TRMT11: variants seen among roughly 807,000 people sequenced by gnomAD.
TRMT11 encodes the protein tRNA methyltransferase 11.
In TRMT11, 53 loss-of-function variants were observed where a neutral mutation model predicts 62.8. That is an observed-to-expected ratio of 0.84 (90% CI 0.68 to 1.06). TRMT11 has a LOEUF of 1.06. TRMT11 is among the 50% of genes least tolerant of loss of function. The probability of loss-of-function intolerance (pLI) is 0.00; values close to 1 mark genes in which losing one functional copy is unlikely to be tolerated. For synonymous variants in TRMT11, 188 were observed against 190.3 expected, an observed-to-expected ratio of 0.99 and a Z score of 0.10; for missense variants, 556 against 553.4, an observed-to-expected ratio of 1.00 and a Z score of -0.05.
At chr6:126,242,227 G>C in the TRMT11 span, among the ~76,000 whole-genome samples, 1 of 152,094 alleles carries the variant, frequency 6.6e-6, no homozygotes, top group Non-Finnish European at 1.5e-5. Context: ...CAACTTACAA[G>C]GGAAGTGAAG....
chr6:126,119,888 G>T (rs1485760467), intron 21 of TRMT11, among the ~76,000 whole-genome samples: 3 of 152,106 alleles, frequency 2.0e-5, no homozygotes, highest in South Asian at 2.1e-4. Flanking sequence ...ATGTTCACTG[G>T]GACATTATTT....
At chr6:126,057,017 A>G (rs1776392992) in intron 17 of TRMT11, among the ~76,000 whole-genome samples, 1 of 152,156 alleles carries the variant, frequency 6.6e-6, no homozygotes, top group African/African-American at 2.4e-5. Flanking sequence ...CTCTGGTGCA[A>G]TTTTATCAAA....
At chr6:126,134,053 TTAA>T in intron 21 of TRMT11, among the ~76,000 whole-genome samples, 1 of 151,914 alleles carries the variant, frequency 6.6e-6, no homozygotes, top group South Asian at 2.1e-4. Context: ...GAGCAAAAAA[TTAA>T]TAAGATTTTT....
intron 12 of TRMT11, among the ~76,000 whole-genome samples, chr6:126,027,220 A>G (rs1204247637): frequency 2.0e-5 from 3 of 152,184 alleles, no homozygotes; most frequent in Admixed American, 6.5e-5. Flanking sequence ...TATGAAATGT[A>G]TAGGATAAAA....
intron 21 of TRMT11, among the ~76,000 whole-genome samples, chr6:126,148,817 T>C (rs994845998): frequency 6.6e-6 from 1 of 152,202 alleles, no homozygotes; most frequent in Non-Finnish European, 1.5e-5. Context: ...ATGTATGACA[T>C]AGTAAATGTA....
chr6:126,043,940 G>C (rs1775963955), downstream of TRMT11, among the ~76,000 whole-genome samples: 1 of 150,354 alleles, frequency 6.7e-6, no homozygotes, highest in Non-Finnish European at 1.5e-5. Flanking sequence ...GTTCATTGTA[G>C]ATTCTGGATA....
the TRMT11 span, among the ~76,000 whole-genome samples, chr6:126,231,392 G>A: frequency 6.6e-6 from 1 of 152,092 alleles, no homozygotes. Context: ...AAACCATGTA[G>A]CATTTTTAGT....
At chr6:126,135,810 A>G (rs1562330777) in intron 21 of TRMT11, among the ~76,000 whole-genome samples, 2 of 151,814 alleles carry the variant, frequency 1.3e-5, no homozygotes, top group Admixed American at 1.3e-4. Context: ...GATTCACCTC[A>G]TAGATGCAAA....
the TRMT11 span, among the ~76,000 whole-genome samples, chr6:126,268,323 A>C: frequency 6.6e-6 from 1 of 152,156 alleles, no homozygotes; most frequent in African/African-American, 2.4e-5. Flanking sequence ...CATTCTGATC[A>C]CTGCACTGGG....
At chr6:126,117,598 C>T (rs1231849155) in intron 21 of TRMT11, among the ~76,000 whole-genome samples, 1 of 151,996 alleles carries the variant, frequency 6.6e-6, no homozygotes, top group African/African-American at 2.4e-5. Flanking sequence ...TTTTTGTGAT[C>T]TAGAGCTTCA....
chr6:126,018,822 C>A (rs753893305), intron 11 of TRMT11, among the ~76,000 whole-genome samples: 1 of 152,108 alleles, frequency 6.6e-6, no homozygotes, highest in African/African-American at 2.4e-5. Flanking sequence ...TAACCACTTG[C>A]GAACATTCCA....
the TRMT11 span, among the ~76,000 whole-genome samples, chr6:126,263,293 T>C: frequency 6.6e-6 from 1 of 152,344 alleles, no homozygotes; most frequent in East Asian, 1.9e-4. Context: ...TATAGTTCCA[T>C]GTCATATGCC....
intron 21 of TRMT11, among the ~76,000 whole-genome samples, chr6:126,136,945 G>GA (rs71272315): frequency 0.33 from 47,802 of 144,878 alleles, 8,244 homozygotes; most frequent in Non-Finnish European, 0.42. Context: ...GTAGAAAAAT[G>GA]AAAAAAAAAA....
intron 1 of TRMT11, among the ~76,000 whole-genome samples, chr6:126,194,734 C>T (rs1029506720): frequency 6.6e-6 from 1 of 152,156 alleles, no homozygotes; most frequent in African/African-American, 2.4e-5. Flanking sequence ...AAATATACTT[C>T]ATACCAAGTC....
intron 1 of TRMT11, among the ~76,000 whole-genome samples, chr6:125,990,335 G>A (rs894190978): frequency 1.3e-5 from 2 of 152,144 alleles, no homozygotes; most frequent in Non-Finnish European, 1.5e-5. Flanking sequence ...CTCATTTTCA[G>A]GTGTTAAGCC....
Position 126,048,739 on chromosome 6 carries a change from G to T in TRMT11, c.*1370-4384G>T. Among the ~76,000 whole-genome samples, 2 of 150,960 alleles carry T rather than the reference G, an allele frequency of 1.3e-5. 1 individual carries two copies. On this transcript the variant is annotated intron_variant and NMD_transcript_variant, in intron 16 of 22. Transcript: ENST00000648977. The stretch of plus-strand genomic sequence containing the variant: ...AGACTTGTGACTCCTGCCAAAAGTC[G>T]ACCTTGTTGCCTCTTGGTAAGGACG...
At chr6:126,151,866 C>CTTTCTTTCTTTT (rs1778054597) in intron 21 of TRMT11, among the ~76,000 whole-genome samples, 1 of 96,624 alleles carries the variant, frequency 1.0e-5, no homozygotes, top group African/African-American at 4.4e-5. Flanking sequence ...TTCTTTCTTT[C>CTTTCTTTCTTTT]CTTCTTTCTC....
chr6:126,056,369 A>G (rs1281542217), intron 17 of TRMT11, among the ~76,000 whole-genome samples: 2 of 152,188 alleles, frequency 1.3e-5, no homozygotes, highest in Admixed American at 6.5e-5. Context: ...CAAAGCTTCC[A>G]CTGCTGAGAT....
rs565736056 is a variant in TRMT11, at chr6:125,989,641, A to G, written c.72+3019A>G. On this transcript the variant is annotated intron_variant, in intron 1 of 12. Transcript: ENST00000334379. ...GTTAGACTGTGGTCTCCAGAATAAC[A>G]ACCTTAGTACTTGGTGATTTTTACT... Among the ~76,000 whole-genome samples, 5 of 152,310 alleles carry G rather than the reference A, an allele frequency of 3.3e-5. No individual in the cohort carries two copies. The East Asian group carries it at 7.7e-4, about 23-fold the overall frequency.
Sources: allele counts gnomAD v4.1 joint callset (sites outside exome capture counted in the v4.1 genomes callset), GRCh38; gene constraint gnomAD v4.1.1; transcripts MANE v1.5; gene names NCBI Gene and HGNC (gene_info 2026-07-23, HGNC 2026-07-21).